DYRK1A: variants seen among roughly 807,000 people sequenced by gnomAD.
DYRK1A encodes dual specificity tyrosine phosphorylation regulated kinase 1A.
In DYRK1A, 9 loss-of-function variants were observed where a neutral mutation model predicts 79.7. The ratio of observed to expected loss-of-function variants is 0.11; its 90% confidence interval spans 0.07 to 0.20. The LOEUF (loss-of-function observed/expected upper bound fraction) is 0.20. Ranked by LOEUF, DYRK1A falls within the 10% of genes least tolerant of loss-of-function variation. The probability of loss-of-function intolerance (pLI) is 1.00; values close to 1 mark genes in which losing one functional copy is unlikely to be tolerated. For missense variants in DYRK1A, 622 were observed against 956.0 expected, an observed-to-expected ratio of 0.65 and a Z score of 4.61; for synonymous variants, 349 against 329.7, an observed-to-expected ratio of 1.06 and a Z score of -0.63.
chr21:37,376,717 C>T (rs1238869650), intron 1 of DYRK1A, among the ~76,000 whole-genome samples: 1 of 151,848 alleles, frequency 6.6e-6, no homozygotes, highest in African/African-American at 2.4e-5. Flanking sequence ...TTCTTACTGT[C>T]TTATTTGTTA....
Position 37,399,609 on chromosome 21 carries a change from T to C in DYRK1A, c.-76-20690T>C, listed in dbSNP as rs186343452. Among the ~76,000 whole-genome samples the C allele has an allele frequency of 1.9e-3, 294 of 152,334 alleles. 2 individuals are homozygous for C. The highest frequency in any genetic ancestry group is 1.9e-3 in the South Asian group (9 of 4,826). ...AACATTTACTGTTCTTAATAGAATA[T>C]GTGACAACTTTCTAGACAGGTACTA... On this transcript the variant is annotated intron_variant, in intron 1 of 11. Coordinates refer to ENST00000647188, the MANE Select transcript of DYRK1A (RefSeq NM_001347721.2).
intron 2 of DYRK1A, among the ~76,000 whole-genome samples, chr21:37,423,449 A>G (rs1269009298): frequency 6.6e-6 from 1 of 152,184 alleles, no homozygotes; most frequent in Admixed American, 6.6e-5. Context: ...AAGGTGTAGA[A>G]TGACTTCTCA....
intron 1 of DYRK1A, among the ~76,000 whole-genome samples, chr21:37,417,539 T>TCTTTTTCTTTTTTTTTC (rs1256835886): frequency 6.4e-5 from 7 of 109,490 alleles, no homozygotes; most frequent in Admixed American, 1.8e-4. Flanking sequence ...CTTTTTTTTT[T>TCTTTTTCTTTTTTTTTC]TTTTTTTTTT....
intron 6 of DYRK1A, chr21:37,488,879 G>A: frequency 2.0e-6 from 2 of 985,010 alleles, no homozygotes; most frequent in African/African-American, 1.7e-5. Context: ...ATGGAACTAT[G>A]TTTTTAGTTT....
intron 9 of DYRK1A, among the ~76,000 whole-genome samples, chr21:37,500,286 T>C (rs1341949217): frequency 6.6e-6 from 1 of 152,242 alleles, no homozygotes; most frequent in South Asian, 2.1e-4. Context: ...ATGCATTAAT[T>C]TTTTGAATGT....
At chr21:37,378,827 CAT>C (rs779074511) in intron 1 of DYRK1A, among the ~76,000 whole-genome samples, 2 of 152,074 alleles carry the variant, frequency 1.3e-5, no homozygotes, top group Non-Finnish European at 2.9e-5. Context: ...GAGGGGTTGA[CAT>C]GTGGAGAGCT....
intron 9 of DYRK1A, among the ~76,000 whole-genome samples, chr21:37,500,035 T>C (rs866185093): frequency 4.6e-5 from 7 of 152,338 alleles, no homozygotes; most frequent in African/African-American, 7.2e-5. Context: ...TTCAGCATAT[T>C]TGGGGGGGTC....
At chr21:37,398,076 A>AAATAT (rs1555953896) in intron 1 of DYRK1A, among the ~76,000 whole-genome samples, 8 of 145,736 alleles carry the variant, frequency 5.5e-5, no homozygotes, top group African/African-American at 1.0e-4. Context: ...TTAAAAAAAA[A>AAATAT]ATATATATAT....
chr21:37,414,685 G>C (rs1438089288), intron 1 of DYRK1A, among the ~76,000 whole-genome samples: 1 of 152,144 alleles, frequency 6.6e-6, no homozygotes, highest in East Asian at 1.9e-4. Flanking sequence ...GTCTGCATGT[G>C]ATAGGGGTGC....
At chr21:37,506,507 G>C (rs1228738202) in intron 11 of DYRK1A, among the ~76,000 whole-genome samples, 1 of 152,174 alleles carries the variant, frequency 6.6e-6, no homozygotes, top group Non-Finnish European at 1.5e-5. Context: ...TGAGCCTCAT[G>C]CTTTTTTGAT....
chr21:37,466,173 A>G (rs981411502), intron 2 of DYRK1A, among the ~76,000 whole-genome samples: 1 of 152,194 alleles, frequency 6.6e-6, no homozygotes, highest in African/African-American at 2.4e-5. Flanking sequence ...TTCCTTCCAG[A>G]TGCATCTTTC....
chr21:37,496,537 T>C (rs1365241556), intron 9 of DYRK1A, among the ~76,000 whole-genome samples: 1 of 152,208 alleles, frequency 6.6e-6, no homozygotes, highest in Non-Finnish European at 1.5e-5. Flanking sequence ...CATACTTGGT[T>C]TCAACAGTAG....
chr21:37,519,333 C>A lies in DYRK1A; in HGVS notation c.*6802C>A, dbSNP rs1011169568. On this transcript the variant is annotated 3_prime_UTR_variant, in exon 12 of 12. Coordinates refer to ENST00000647188, the MANE Select transcript of DYRK1A (RefSeq NM_001347721.2). ...ATCCCACTGCTCCTCTCATTGGCTT[C>A]GTGACCCTGGGTACGCTGCTCAACT... The A allele has an allele frequency of 2.0e-5, 3 of 152,268 alleles. No homozygotes were observed. The highest frequency in any genetic ancestry group is 4.4e-5 in the Non-Finnish European group (3 of 68,088). The allele number at this position is 152,268 out of a possible 1,614,324, so 9.4% of individuals were successfully genotyped here.
At chr21:37,480,046 A>G (rs990368207) in intron 4 of DYRK1A, among the ~76,000 whole-genome samples, 2 of 152,170 alleles carry the variant, frequency 1.3e-5, no homozygotes, top group African/African-American at 4.8e-5. Context: ...TTATAGGTTT[A>G]AAAACTGGGC....
At position 37,522,370 on chromosome 21, in the gene DYRK1A, GC is replaced by G. The variant is rs1019689007; in HGVS notation, c.*9840del. 1.1e-4 allele frequency: 17 copies of G among 152,248 alleles called. No individual in the cohort carries two copies. The highest frequency in any genetic ancestry group is 4.1e-4 in the African/African-American group (17 of 41,448). 9.4% of individuals were successfully genotyped at this position (152,248 alleles called of 1,614,324 possible). ...GAGTGAGAAAACTTAACAGGTTTAA[GC>G]AACTTGCAGAAGATGACACAACTGA... On this transcript the variant is annotated 3_prime_UTR_variant, in exon 12 of 12. Transcript: ENST00000647188.
At chr21:37,434,230 G>A (rs1027280572) in intron 2 of DYRK1A, among the ~76,000 whole-genome samples, 2 of 152,084 alleles carry the variant, frequency 1.3e-5, no homozygotes, top group Non-Finnish European at 2.9e-5. Flanking sequence ...ACGTCTTTCT[G>A]GAGACGTTTA....
intron 2 of DYRK1A, among the ~76,000 whole-genome samples, chr21:37,449,594 G>A (rs1305482439): frequency 6.6e-6 from 1 of 152,162 alleles, no homozygotes; most frequent in African/African-American, 2.4e-5. Context: ...TGGAAATGTA[G>A]TCTAGTTGAC....
In DYRK1A at chr21:37,522,625, G is replaced by A. The variant is rs2053942345; in HGVS notation, c.*10094G>A. 1 of 152,150 alleles carries A rather than the reference G, an allele frequency of 6.6e-6. No homozygotes were observed. The highest frequency in any genetic ancestry group is 1.5e-5 in the Non-Finnish European group (1 of 68,036). 9.4% of individuals were successfully genotyped at this position (152,150 alleles called of 1,614,324 possible). On this transcript the variant is annotated 3_prime_UTR_variant, in exon 12 of 12. Coordinates refer to ENST00000647188, the MANE Select transcript of DYRK1A (RefSeq NM_001347721.2). Reference sequence around the variant, plus strand: ...CTGTATTGTCCTAATGAACCACACTGGTGCCTACAAAATTTTTATTTTGGC... The same window carrying A: ...CTGTATTGTCCTAATGAACCACACTAGTGCCTACAAAATTTTTATTTTGGC...
intron 8 of DYRK1A, among the ~76,000 whole-genome samples, chr21:37,495,152 T>TTGTGTGTGTGTGTG (rs56226706): frequency 4.4e-5 from 6 of 137,646 alleles, no homozygotes; most frequent in Admixed American, 7.3e-5. Context: ...CTCTGGGATT[T>TTGTGTGTGTGTGTG]TGTGTGTGTG....
Sources: allele counts gnomAD v4.1 joint callset (sites outside exome capture counted in the v4.1 genomes callset), GRCh38; gene constraint gnomAD v4.1.1; transcripts MANE v1.5; gene names NCBI Gene and HGNC (gene_info 2026-07-23, HGNC 2026-07-21).